The following SEMA6A variants were observed in gnomAD, a reference collection of about 807,000 sequenced individuals.
SEMA6A encodes the protein semaphorin-6A.
SEMA6A carries 25 observed loss-of-function variants against 96.8 expected under a neutral mutation model. The observed-to-expected ratio is 0.26, with a 90% CI of 0.19 to 0.36. The LOEUF is 0.36. SEMA6A is among the 10% of genes least tolerant of loss of function. The probability of loss-of-function intolerance (pLI) is 1.00; values close to 1 mark genes in which losing one functional copy is unlikely to be tolerated. For synonymous variants in SEMA6A, 612 were observed against 518.0 expected, an observed-to-expected ratio of 1.18 and a Z score of -2.46; for missense variants, 1,363 against 1,323.1, an observed-to-expected ratio of 1.03 and a Z score of -0.47.
intron 10 of SEMA6A, 47 bp from the exon 11 acceptor site, chr5:116,482,622 G>T (rs1756842223): frequency 1.2e-6 from 2 of 1,605,114 alleles, no homozygotes; most frequent in Admixed American, 1.7e-5. Context: ...CAATGGTTAT[G>T]CATGTGGTTT....
intron 8 of SEMA6A, 44 bp downstream of exon 8, chr5:116,488,844 A>G (rs1370950274): frequency 1.2e-5 from 19 of 1,522,612 alleles, no homozygotes; most frequent in Non-Finnish European, 1.6e-5. Flanking sequence ...CAAGATGTGT[A>G]TTCCCCTCCC....
At chr5:116,504,655 A>G (rs537965774) in intron 2 of SEMA6A, among the ~76,000 whole-genome samples, 190 bp downstream of exon 2, 1 of 152,280 alleles carries the variant, frequency 6.6e-6, no homozygotes, top group South Asian at 2.1e-4. Flanking sequence ...TGTCCCCACA[A>G]CAACATCTGA....
intron 1 of SEMA6A, among the ~76,000 whole-genome samples, chr5:116,531,173 A>G (rs1759454543): frequency 1.4e-5 from 2 of 144,396 alleles, no homozygotes; most frequent in South Asian, 4.9e-4. Context: ...GCACTATACT[A>G]GAGTTGAGTG....
chr5:116,564,045 G>A (rs554377645), intron 1 of SEMA6A, among the ~76,000 whole-genome samples: 2 of 152,344 alleles, frequency 1.3e-5, no homozygotes, highest in African/African-American at 4.8e-5. Flanking sequence ...GGTGAAACCA[G>A]TAGCAATTAA....
chr5:116,510,359 A>C (rs1478605732), intron 1 of SEMA6A, among the ~76,000 whole-genome samples: 1 of 152,210 alleles, frequency 6.6e-6, no homozygotes, highest in East Asian at 1.9e-4. Context: ...ATTGAAATTG[A>C]TTTAAAAACT....
Position 116,446,687 on chromosome 5 carries a change from T to C in SEMA6A, c.3019A>G (p.Lys1007Glu). The C allele has an allele frequency of 6.4e-7, 1 of 1,571,776 alleles. No individual in the cohort carries two copies. The highest frequency in any genetic ancestry group is 8.6e-7 in the Non-Finnish European group (1 of 1,157,596). The change falls in exon 19 of 19, where the codon AAG becomes GAG. Residue 1007 changes from lysine (K) to glutamate (E), a missense_variant. Lys to Glu is a moderately conservative substitution (Grantham distance 56, BLOSUM62 1). This residue lies in a region of SEMA6A where 883 missense variants were observed against 763.6 expected (regional missense o/e 1.16). Transcript: ENST00000343348. ...RSGLKRTPSL[K>E]PDVPPKPSFA... ...GATGGTTTGGGGGGTACGTCCGGCT[T>C]TAGCGAGGGCGTACGCTTCAGCCCC...
chr5:116,525,067 C>T (rs1235646693), intron 1 of SEMA6A, among the ~76,000 whole-genome samples: 2 of 152,184 alleles, frequency 1.3e-5, no homozygotes, highest in Admixed American at 6.5e-5. Context: ...AGTTTATCTT[C>T]TCTGTGACTA....
chr5:116,475,937 T>C (rs187525951), intron 15 of SEMA6A, among the ~76,000 whole-genome samples: 1 of 152,314 alleles, frequency 6.6e-6, no homozygotes, highest in East Asian at 1.9e-4. Flanking sequence ...ACACGCCTCA[T>C]AGAAACAATA....
In SEMA6A at chr5:116,561,586, G is replaced by A. The variant is rs79329375; in HGVS notation, c.-39+12599C>T. On this transcript the variant is annotated intron_variant, in intron 1 of 18. Transcript: ENST00000343348. ...CATTTAAAACTCTTTCATGTTCTAC[G>A]CAGAATTTGCATTTCAATAACAATG... Among the ~76,000 whole-genome samples the A allele has an allele frequency of 3.7e-3, 565 of 152,284 alleles. 4 individuals carry two copies. The highest frequency in any genetic ancestry group is 0.013 in the African/African-American group (535 of 41,548).
At chr5:116,472,325 C>T (rs1756197666) in intron 17 of SEMA6A, 1 of 152,280 alleles carries the variant, frequency 6.6e-6, no homozygotes, top group South Asian at 2.1e-4. Context: ...GTCACTCTTC[C>T]TTGTCTACAT....
intron 10 of SEMA6A, among the ~76,000 whole-genome samples, chr5:116,485,216 C>T (rs1392617278): frequency 1.3e-5 from 2 of 152,080 alleles, no homozygotes; most frequent in Admixed American, 1.3e-4. Flanking sequence ...ATGGAGTTAT[C>T]TATAATATTT....
chr5:116,491,334 A>G (rs1402362443), intron 7 of SEMA6A, among the ~76,000 whole-genome samples: 2 of 152,160 alleles, frequency 1.3e-5, no homozygotes, highest in East Asian at 3.9e-4. Flanking sequence ...TGCCTCCCGG[A>G]TGACACTGTT....
intron 10 of SEMA6A, among the ~76,000 whole-genome samples, chr5:116,485,561 C>T (rs73254618): frequency 0.073 from 11,081 of 152,244 alleles, 811 homozygotes; most frequent in African/African-American, 0.19. Context: ...GAGCTTGACT[C>T]TCATCCGCTG....
In SEMA6A at chr5:116,489,012, G is replaced by T; in HGVS notation, c.536-5C>A. ...TGGCTGAGTATAGTTTTCCATCTTA[G>T]AAGAAAAAGAAAAGAGGTGAACAGG... On this transcript the variant is annotated splice_polypyrimidine_tract_variant and splice_region_variant and intron_variant, in intron 7 of 18. Coordinates refer to ENST00000343348, the MANE Select transcript of SEMA6A (RefSeq NM_020796.5). The T allele has an allele frequency of 6.4e-7, 1 of 1,557,534 alleles. No individual in the cohort carries two copies. The highest frequency in any genetic ancestry group is 8.7e-7 in the Non-Finnish European group (1 of 1,149,840).
chr5:116,561,762 C>A (rs1407108201), intron 1 of SEMA6A, among the ~76,000 whole-genome samples: 2 of 152,176 alleles, frequency 1.3e-5, no homozygotes, highest in Middle Eastern at 3.4e-3. Context: ...TGTGTTTGGG[C>A]AATATTAACA....
intron 18 of SEMA6A, among the ~76,000 whole-genome samples, chr5:116,456,510 G>T (rs745846218): frequency 1.3e-5 from 2 of 152,184 alleles, no homozygotes; most frequent in Non-Finnish European, 2.9e-5. Flanking sequence ...TCTGTCAAAA[G>T]CATGGCATAT....
intron 1 of SEMA6A, chr5:116,562,551 A>T: frequency 1.7e-6 from 1 of 572,214 alleles, no homozygotes; most frequent in East Asian, 3.7e-5. Context: ...GTCTGGAGAC[A>T]ACGTGCAGAA....
intron 1 of SEMA6A, among the ~76,000 whole-genome samples, chr5:116,535,923 T>C (rs1443747076): frequency 6.6e-6 from 1 of 152,248 alleles, no homozygotes; most frequent in African/African-American, 2.4e-5. Flanking sequence ...TTTTAGGCAT[T>C]TTTAAAATGC....
At chr5:116,505,465 A>G (rs576069252) in intron 1 of SEMA6A, among the ~76,000 whole-genome samples, 3,746 of 151,766 alleles carry the variant, frequency 0.025, 151 homozygotes, top group African/African-American at 0.085. Context: ...ACGCGCACAC[A>G]CACACACACA....
Sources: allele counts gnomAD v4.1 joint callset (sites outside exome capture counted in the v4.1 genomes callset), GRCh38; gene constraint gnomAD v4.1.1; regional missense constraint gnomAD v4.1.1; transcripts MANE v1.5; gene names NCBI Gene and HGNC (gene_info 2026-07-23, HGNC 2026-07-21).